Variants in PM20D1 observed in about 807,000 individuals in gnomAD.
The protein encoded by PM20D1 is peptidase M20 domain containing 1.
Under a neutral mutation model 53.8 loss-of-function variants are expected in PM20D1, and 53 were observed. The observed-to-expected ratio is 0.98, with a 90% CI of 0.79 to 1.24. PM20D1 has a LOEUF of 1.24. Ranked by LOEUF, PM20D1 falls within the 50% of genes most tolerant of loss-of-function variation. The pLI, the probability that PM20D1 is intolerant of heterozygous loss-of-function variation, is 0.00. For synonymous variants in PM20D1, 239 were observed against 241.3 expected (o/e 0.99, Z 0.09); for missense variants, 564 against 616.8 (o/e 0.91, Z 0.91).
chr1:205,834,038 G>C (rs1656628958), intron 10 of PM20D1, among the ~76,000 whole-genome samples: 1 of 151,678 alleles, frequency 6.6e-6, no homozygotes, highest in African/African-American at 2.4e-5. Context: ...AGTAGAGACT[G>C]GGTTTCACCA....
intron 3 of PM20D1, among the ~76,000 whole-genome samples, 200 bp downstream of exon 3, chr1:205,845,125 C>A (rs1456232201): frequency 6.6e-6 from 1 of 152,106 alleles, no homozygotes; most frequent in Non-Finnish European, 1.5e-5. Flanking sequence ...CTGAAAGGGT[C>A]CCTGGGGACC....
intron 8 of PM20D1, 110 bp from the exon 9 acceptor site, chr1:205,841,999 G>C (rs1310040492): frequency 1.6e-6 from 2 of 1,221,164 alleles, no homozygotes; most frequent in African/African-American, 3.0e-5. Context: ...GACTGAGAGA[G>C]ACGTCTTAGA....
intron 9 of PM20D1, 74 bp downstream of exon 9, chr1:205,841,737 G>C: frequency 7.3e-7 from 1 of 1,373,560 alleles, no homozygotes. Context: ...GGAAGAGCCA[G>C]TAGATAGATT....
At chr1:205,844,773 C>A (rs778124641) in intron 4 of PM20D1, 38 bp downstream of exon 4, 2 of 1,585,670 alleles carry the variant, frequency 1.3e-6, no homozygotes, top group Non-Finnish European at 1.7e-6. Flanking sequence ...CTACCCTCAA[C>A]AGAGGACAGA....
intron 12 of PM20D1, 143 bp from the exon 13 acceptor site, chr1:205,828,886 A>T (rs1571664474): frequency 9.2e-7 from 1 of 1,081,724 alleles, no homozygotes; most frequent in East Asian, 2.6e-5. Flanking sequence ...GGGGCAAGGG[A>T]GGGGCCATCT....
In PM20D1 at chr1:205,830,363, G is replaced by A. The variant is rs1656532061; in HGVS notation, c.1302C>T (p.Asn434=). ...NITAPVTSIG[N]TDSRFFTNLT... The stretch of plus-strand genomic sequence containing the variant: ...GGTTTGTAAAGAATCGGCTGTCTGT[G>A]TTGCCAATAGAAGTAACTAGAGAGG... The change falls in exon 12 of 13, where the codon AAC becomes AAT. Residue 434 remains asparagine, a synonymous_variant. Transcript: ENST00000367136. 3 of 1,610,284 alleles carry A rather than the reference G, an allele frequency of 1.9e-6. No homozygotes were observed. Among genetic ancestry groups the A allele is most frequent in the Non-Finnish European group, 2.5e-6 (3 of 1,176,534 alleles).
At chr1:205,828,944 C>T (rs1374208261) in intron 12 of PM20D1, among the ~76,000 whole-genome samples, 2 of 152,206 alleles carry the variant, frequency 1.3e-5, no homozygotes, top group African/African-American at 2.4e-5. Context: ...CATCTATGCT[C>T]GTGACAAAGA....
chr1:205,840,622 GC>G (rs1350633539), intron 9 of PM20D1, among the ~76,000 whole-genome samples: 1 of 152,140 alleles, frequency 6.6e-6, no homozygotes, highest in East Asian at 1.9e-4. Context: ...CTCTGTTTTG[GC>G]CCCATGCTGT....
intron 1 of PM20D1, among the ~76,000 whole-genome samples, chr1:205,849,300 A>T (rs1657073529): frequency 6.6e-6 from 1 of 152,078 alleles, no homozygotes; most frequent in African/African-American, 2.4e-5. Context: ...TGGATTAGAG[A>T]TCTAGAGGAG....
chr1:205,828,890 G>T, intron 12 of PM20D1, 147 bp from the exon 13 acceptor site: 1 of 1,041,602 alleles, frequency 9.6e-7, no homozygotes, highest in Non-Finnish European at 1.4e-6. Context: ...CAAGGGAGGG[G>T]CCATCTGAGA....
intron 1 of PM20D1, among the ~76,000 whole-genome samples, chr1:205,848,658 C>A (rs377694317): frequency 7.9e-5 from 12 of 152,276 alleles, no homozygotes; most frequent in African/African-American, 2.6e-4. Flanking sequence ...TGATCAAAGA[C>A]AAAACCACTG....
intron 9 of PM20D1, among the ~76,000 whole-genome samples, chr1:205,841,289 C>CT (rs1166762985): frequency 6.6e-6 from 1 of 152,170 alleles, no homozygotes; most frequent in Non-Finnish European, 1.5e-5. Flanking sequence ...CAAAAAAGCA[C>CT]TAAGTGGTCA....
intron 2 of PM20D1, among the ~76,000 whole-genome samples, chr1:205,846,104 C>T (rs957019333): frequency 7.0e-6 from 1 of 143,752 alleles, no homozygotes; most frequent in Non-Finnish European, 1.5e-5. Flanking sequence ...AAAAAAGACT[C>T]GGCCAGGCGT....
intron 2 of PM20D1, among the ~76,000 whole-genome samples, chr1:205,846,679 A>C (rs2102531917): frequency 6.6e-6 from 1 of 152,346 alleles, no homozygotes; most frequent in African/African-American, 2.4e-5. Flanking sequence ...TATTCTGTTT[A>C]GCACAAGGTC....
intron 10 of PM20D1, among the ~76,000 whole-genome samples, chr1:205,835,516 G>T (rs1013543737): frequency 6.6e-5 from 10 of 152,080 alleles, no homozygotes; most frequent in Admixed American, 5.9e-4. Flanking sequence ...GCTGGGCGTG[G>T]TGGCGGGCGC....
intron 10 of PM20D1, among the ~76,000 whole-genome samples, chr1:205,838,738 T>C (rs1656739800): frequency 6.6e-6 from 1 of 152,246 alleles, no homozygotes; most frequent in South Asian, 2.1e-4. Flanking sequence ...CAAATTATGA[T>C]ATTCTTGAAC....
intron 10 of PM20D1, among the ~76,000 whole-genome samples, chr1:205,834,441 G>T (rs1197829766): frequency 6.6e-6 from 1 of 152,172 alleles, no homozygotes; most frequent in African/African-American, 2.4e-5. Flanking sequence ...ACAGGCGTGA[G>T]CCACCGTGCC....
rs1441167472 is a variant in PM20D1 at position 205,844,901 on chromosome 1, G to T, written c.490-4C>A. On this transcript the variant is annotated splice_polypyrimidine_tract_variant and splice_region_variant and intron_variant, in intron 3 of 12. Coordinates refer to ENST00000367136, the MANE Select transcript of PM20D1 (RefSeq NM_152491.5). ...GCTCCAAGGCCTGCAGTAATGCCTG[G>T]GGTTCAGAAGCACAATGGAAGAGGA... 4 of 1,612,520 alleles carry T rather than the reference G, an allele frequency of 2.5e-6. No individual in the cohort carries two copies. Among genetic ancestry groups the T allele is most frequent in the Non-Finnish European group, 3.4e-6 (4 of 1,179,160 alleles).
At chr1:205,842,822 A>T (rs961469374) in intron 6 of PM20D1, 71 bp from the exon 7 acceptor site, 2 of 1,429,668 alleles carry the variant, frequency 1.4e-6, no homozygotes, top group African/African-American at 2.8e-5. Flanking sequence ...AGAGGAGAAG[A>T]AGGGAGATAG....
Sources: gnomAD v4.1 joint callset for allele counts (sites outside exome capture counted in the v4.1 genomes callset) on GRCh38, gnomAD v4.1.1 for gene constraint, MANE v1.5 for transcripts, NCBI Gene and HGNC (gene_info 2026-07-23, HGNC 2026-07-21) for gene names.